Variants in LTBR observed in about 807,000 individuals in gnomAD.
LTBR encodes the protein tumor necrosis factor receptor superfamily member 3.
LTBR carries 15 observed loss-of-function variants against 45.4 expected under a neutral mutation model. The observed-to-expected ratio is 0.33, with a 90% CI of 0.22 to 0.51. LTBR has a LOEUF of 0.51. LTBR is among the 20% of genes least tolerant of loss of function. The pLI is 0.97. For missense variants in LTBR, 450 were observed against 565.5 expected (o/e 0.80, Z 2.07); for synonymous variants, 228 against 231.0 (o/e 0.99, Z 0.12).
chr12:6,389,232 G>A (rs1949082982), intron 8 of LTBR: 1 of 178,624 alleles, frequency 5.6e-6, no homozygotes, highest in Admixed American at 6.0e-5. Context: ...GGTTATCTGG[G>A]GAGAAAGTGC....
At position 6,391,192 on chromosome 12, in the gene LTBR, A is replaced by G. The variant is rs1041513681; in HGVS notation, c.*255A>G. ...CCACCCCCTGGGGCTGCTCAGCCTC[A>G]GGCACGGACAGGGCACATGATACCA... On this transcript the variant is annotated 3_prime_UTR_variant, in exon 10 of 10. Coordinates refer to ENST00000228918, the MANE Select transcript of LTBR (RefSeq NM_002342.3). 1.8e-5 allele frequency: 7 copies of G among 381,694 alleles called. No individual in the cohort carries two copies. Among genetic ancestry groups the G allele is most frequent in the Non-Finnish European group, 2.8e-5 (6 of 214,602 alleles). The allele number at this position is 381,694 out of a possible 1,614,324, so 23.6% of individuals were successfully genotyped here. A position where few individuals can be genotyped will look rare whatever the true frequency, so the allele number is the denominator to read the frequency against.
chr12:6,382,296 G>T (rs892183171), upstream of LTBR, among the ~76,000 whole-genome samples: 6 of 152,198 alleles, frequency 3.9e-5, no homozygotes, highest in African/African-American at 9.7e-5. Flanking sequence ...GTGCGTTGGT[G>T]GGGGAGGGGG....
At chr12:6,385,702 C>T (rs928232620) in intron 4 of LTBR, 22 of 387,688 alleles carry the variant, frequency 5.7e-5, no homozygotes, top group Admixed American at 1.2e-4. Flanking sequence ...GTCAGGAGAT[C>T]GAGACCATCC....
chr12:6,382,882 A>G (rs965129452), upstream of LTBR, among the ~76,000 whole-genome samples: 4 of 152,190 alleles, frequency 2.6e-5, no homozygotes, highest in East Asian at 3.9e-4. Flanking sequence ...CTGAGCCACA[A>G]GGAGTTGGCA....
In LTBR at chr12:6,389,991, G is replaced by A. The variant is rs41377347; in HGVS notation, c.802-121G>A. On this transcript the variant is annotated intron_variant, in intron 8 of 9. Coordinates refer to ENST00000228918, the MANE Select transcript of LTBR (RefSeq NM_002342.3). ...AAAGAGAGAGAGAGAAAGAGAGAGA[G>A]AGAGAGAAAGGAAGGAAGGAAAGAA... 1,053 of 715,046 alleles carry A rather than the reference G, an allele frequency of 1.5e-3. 9 individuals carry two copies. The African/African-American group carries it at 0.018, about 12-fold the overall frequency. The allele number at this position is 715,046 out of a possible 1,614,324, so 44.3% of individuals were successfully genotyped here.
chr12:6,388,778 C>T lies in LTBR; in HGVS notation c.776-22C>T. ...TCTGAGGCCTGCCGGGGAGCCTACA[C>T]CCATTTCATTCTCCATTGCAGGATC... On this transcript the variant is annotated intron_variant, in intron 7 of 9. Transcript: ENST00000228918. The surrounding 1 kb of genome is among the most constrained non-coding windows in gnomAD (Gnocchi z 4.3). 1.2e-6 allele frequency: 2 copies of T among 1,614,058 alleles called. No individual in the cohort carries two copies. The highest frequency in any genetic ancestry group is 8.5e-7 in the Non-Finnish European group (1 of 1,179,980).
upstream of LTBR, among the ~76,000 whole-genome samples, chr12:6,380,689 C>CA (rs768898177): frequency 0.027 from 2,231 of 84,116 alleles, 36 homozygotes; most frequent in African/African-American, 0.073. Context: ...GACTCTGTCT[C>CA]AAAAAAAAAA....
Position 6,388,353 on chromosome 12 carries a change from C to G in LTBR, c.668-45C>G. The G allele has an allele frequency of 7.0e-7, 1 of 1,424,922 alleles. No individual in the cohort carries two copies. The highest frequency in any genetic ancestry group is 9.9e-7 in the Non-Finnish European group (1 of 1,009,442). The allele number at this position is 1,424,922 out of a possible 1,614,324, so 88.3% of individuals were successfully genotyped here. A position where few individuals can be genotyped will look rare whatever the true frequency, so the allele number is the denominator to read the frequency against. On this transcript the variant is annotated intron_variant, in intron 6 of 9. Transcript: ENST00000228918. This position sits in a 1 kb window ranked among gnomAD's most constrained non-coding sequence, Gnocchi z 4.3. ...CTCTTCCTTCTCCTCCTCCCCTCTG[C>G]CCTTCTTGGGGCTGTGATCACCCTC...
At chr12:6,377,528 C>T (rs1948931642) in intron 1 of LTBR, 1 of 744,290 alleles carries the variant, frequency 1.3e-6, no homozygotes, top group African/African-American at 1.7e-5. Context: ...CACTCCCACA[C>T]AGAGCCCGTG....
At chr12:6,385,480 G>C (rs946176592) in intron 4 of LTBR, 101 bp downstream of exon 4, 2 of 1,386,664 alleles carry the variant, frequency 1.4e-6, no homozygotes, top group African/African-American at 1.4e-5. Context: ...CGACCCCCCA[G>C]ATCCTTGGCT....
At chr12:6,390,416 T>C in intron 9 of LTBR, 76 bp downstream of exon 9, 1 of 1,339,150 alleles carries the variant, frequency 7.5e-7, no homozygotes. Flanking sequence ...GTGGGCCAGA[T>C]GAAATAAAAA....
intron 8 of LTBR, 192 bp downstream of exon 8, chr12:6,389,017 C>T (rs948037975): frequency 5.0e-6 from 3 of 601,232 alleles, no homozygotes; most frequent in Non-Finnish European, 8.9e-6. Flanking sequence ...AACACAGTAC[C>T]TCATTTCCTG....
Position 6,388,754 on chromosome 12 carries a change from C to G in LTBR, c.776-46C>G, listed in dbSNP as rs755351042. ...GGATGTGGAGGCTGAAAGGCTAGGT[C>G]TGAGGCCTGCCGGGGAGCCTACACC... On this transcript the variant is annotated intron_variant, in intron 7 of 9. Transcript: ENST00000228918. This position sits in a 1 kb window ranked among gnomAD's most constrained non-coding sequence, Gnocchi z 4.3. 6.2e-7 allele frequency: 1 copy of G among 1,613,234 alleles called. No individual in the cohort carries two copies. The highest frequency in any genetic ancestry group is 8.5e-7 in the Non-Finnish European group (1 of 1,179,442).
chr12:6,390,486 G>A, intron 9 of LTBR, 146 bp downstream of exon 9: 1 of 975,842 alleles, frequency 1.0e-6, no homozygotes, highest in Non-Finnish European at 1.5e-6. Flanking sequence ...TAGAGAAGAG[G>A]GAAGAGACTG....
chr12:6,375,450 T>C, exon 1 of LTBR: 1 of 1,535,288 alleles, frequency 6.5e-7, no homozygotes, highest in Non-Finnish European at 8.7e-7. Context: ...GCGGCTGGAC[T>C]GGGACTGGTT....
chr12:6,385,924 G>A (rs1207658111), intron 4 of LTBR, 142 bp from the exon 5 acceptor site: 9 of 432,282 alleles, frequency 2.1e-5, no homozygotes, highest in Middle Eastern at 5.0e-4. Flanking sequence ...AAAAAAAAAG[G>A]CAGCAAAGCA....
intron 6 of LTBR, chr12:6,387,852 C>T (rs1409997191): frequency 6.6e-6 from 3 of 455,352 alleles, no homozygotes; most frequent in African/African-American, 4.0e-5. Flanking sequence ...TACCAGGCGG[C>T]CACAGGCAGT....
At chr12:6,379,841 G>C (rs1034457210), upstream of LTBR, among the ~76,000 whole-genome samples, 1 of 151,112 alleles carries the variant, frequency 6.6e-6, no homozygotes, top group Non-Finnish European at 1.5e-5. Context: ...GCTGAGGCAG[G>C]AGAATGGCAT....
chr12:6,378,562 C>T (rs1341198060), intron 1 of LTBR, among the ~76,000 whole-genome samples: 1 of 87,174 alleles, frequency 1.1e-5, no homozygotes, highest in Non-Finnish European at 2.1e-5. Flanking sequence ...GGTAAGGCAA[C>T]CCAGATGGAC....
Sources: allele counts gnomAD v4.1 joint callset (sites outside exome capture counted in the v4.1 genomes callset), GRCh38; gene constraint gnomAD v4.1.1; non-coding constraint Gnocchi (gnomAD v3.1); transcripts MANE v1.5; gene names NCBI Gene and HGNC (gene_info 2026-07-23, HGNC 2026-07-21).